The following LRRC28 variants were observed in gnomAD, a reference collection of about 807,000 sequenced individuals.
LRRC28 encodes the protein leucine-rich repeat-containing protein 28.
Under a neutral mutation model 45.7 loss-of-function variants are expected in LRRC28, and 39 were observed. That is an observed-to-expected ratio of 0.85 (90% confidence interval 0.66 to 1.12). The LOEUF is 1.12. Ranked by LOEUF, LRRC28 falls within the 50% of genes most tolerant of loss-of-function variation. The pLI is 0.00. For synonymous variants in LRRC28, 206 were observed against 178.8 expected, an observed-to-expected ratio of 1.15 and a Z score of -1.22; for missense variants, 435 against 438.5, an observed-to-expected ratio of 0.99 and a Z score of 0.07.
chr15:99,349,846 GA>G (rs1316167344), intron 6 of LRRC28, among the ~76,000 whole-genome samples: 1 of 152,214 alleles, frequency 6.6e-6, no homozygotes, highest in Admixed American at 6.5e-5. Context: ...CTCATAAGTA[GA>G]AAAATGCGGC....
At chr15:99,276,168 G>A (rs1230925445) in intron 2 of LRRC28, among the ~76,000 whole-genome samples, 1 of 151,792 alleles carries the variant, frequency 6.6e-6, no homozygotes, top group Non-Finnish European at 1.5e-5. Context: ...CAAGCTCAGG[G>A]TTCCCACTGA....
At chr15:99,284,920 T>TTC in intron 3 of LRRC28, 1 of 597,980 alleles carries the variant, frequency 1.7e-6, no homozygotes, top group South Asian at 1.4e-5. Context: ...CTGCTGAAGT[T>TTC]TCCTCCACGA....
rs115302359 is a variant in LRRC28 at position 99,386,178 on chromosome 15, C to T, written c.*76C>T. 2.7e-4 allele frequency: 314 copies of T among 1,170,392 alleles called. No homozygotes were observed. The African/African-American group carries it at 3.7e-3, about 14-fold the overall frequency. 72.5% of individuals were successfully genotyped at this position (1,170,392 alleles called of 1,614,324 possible). A position where few individuals can be genotyped will look rare whatever the true frequency, so the allele number is the denominator to read the frequency against. On this transcript the variant is annotated 3_prime_UTR_variant, in exon 10 of 10. Transcript: ENST00000301981. ...AGCCAGTCCAGCACACTCTTCCATCCTGTCCTGTCCAATGCGGGGGCACTG... is the reference window on the plus strand; with the variant it reads ...AGCCAGTCCAGCACACTCTTCCATCTTGTCCTGTCCAATGCGGGGGCACTG...
At chr15:99,279,952 GT>G (rs2081736395) in intron 3 of LRRC28, among the ~76,000 whole-genome samples, 1 of 152,054 alleles carries the variant, frequency 6.6e-6, no homozygotes, top group African/African-American at 2.4e-5. Context: ...TTGTTCCAGC[GT>G]CCGCACATCT....
At chr15:99,259,471 C>A in intron 2 of LRRC28, 3 of 1,170,364 alleles carry the variant, frequency 2.6e-6, no homozygotes, top group East Asian at 2.3e-5. Context: ...AGCCTCTGCC[C>A]AATTGGGTGA....
At chr15:99,375,703 G>C (rs1957609186) in intron 9 of LRRC28, among the ~76,000 whole-genome samples, 1 of 152,068 alleles carries the variant, frequency 6.6e-6, no homozygotes, top group Non-Finnish European at 1.5e-5. Flanking sequence ...GTAGTTTGTA[G>C]TTTTCTAGAC....
In LRRC28 at chr15:99,257,604, G is replaced by T. The variant is rs2081061148; in HGVS notation, c.168+1479G>T. 3 of 656,472 alleles carry T rather than the reference G, an allele frequency of 4.6e-6. No individual in the cohort carries two copies. In the Admixed American group the frequency reaches 6.4e-5, roughly 14 times the overall value. The allele number at this position is 656,472 out of a possible 1,614,324, so 40.7% of individuals were successfully genotyped here. A position where few individuals can be genotyped will look rare whatever the true frequency, so the allele number is the denominator to read the frequency against. On this transcript the variant is annotated intron_variant, in intron 2 of 9. Coordinates refer to ENST00000301981, the MANE Select transcript of LRRC28 (RefSeq NM_144598.5). ...GGAGGTGGCTCTTGCGATCGAAAGG[G>T]ACTTGAGACTCACCAGCCACAAGCT...
chr15:99,305,893 T>C (rs2152253672), intron 5 of LRRC28, among the ~76,000 whole-genome samples: 1 of 152,346 alleles, frequency 6.6e-6, no homozygotes, highest in Non-Finnish European at 1.5e-5. Context: ...TAACTTCGCA[T>C]TTCTCCTTCA....
In LRRC28 at chr15:99,300,284, GA is replaced by G. The variant is rs543193263; in HGVS notation, c.385+12336del. 5.9e-5 allele frequency among the ~76,000 whole-genome samples: 9 copies of G among 152,014 alleles called. No homozygotes were observed. The South Asian group carries it at 1.9e-3, about 31-fold the overall frequency. On this transcript the variant is annotated intron_variant, in intron 5 of 9. Coordinates refer to ENST00000301981, the MANE Select transcript of LRRC28 (RefSeq NM_144598.5). ...AAAAGTATTCTGAGAAAAAAATGCT[GA>G]AAGATATATATGGATGTTTATAGTA...
At chr15:99,344,971 T>G (rs913960748) in intron 6 of LRRC28, among the ~76,000 whole-genome samples, 5 of 152,202 alleles carry the variant, frequency 3.3e-5, no homozygotes, top group African/African-American at 4.8e-5. Context: ...TTAACTGGCC[T>G]TCTTCTACTG....
intron 5 of LRRC28, among the ~76,000 whole-genome samples, chr15:99,321,311 A>G (rs186925369): frequency 6.6e-6 from 1 of 152,308 alleles, no homozygotes; most frequent in African/African-American, 2.4e-5. Flanking sequence ...CCTGCTGAAA[A>G]TTTAGTTATG....
intron 5 of LRRC28, among the ~76,000 whole-genome samples, chr15:99,316,686 T>G (rs1955605618): frequency 6.8e-6 from 1 of 147,816 alleles, no homozygotes; most frequent in African/African-American, 2.5e-5. Context: ...CAAAGAGAGA[T>G]TTGAGGTAGG....
rs1957987483 is a variant in LRRC28 at position 99,386,263 on chromosome 15, C to T, written c.*161C>T. 1 of 600,998 alleles carries T rather than the reference C, an allele frequency of 1.7e-6. No individual in the cohort carries two copies. Among genetic ancestry groups the T allele is most frequent in the Admixed American group, 2.5e-5 (1 of 39,368 alleles). The allele number at this position is 600,998 out of a possible 1,614,324, so 37.2% of individuals were successfully genotyped here. A position where few individuals can be genotyped will look rare whatever the true frequency, so the allele number is the denominator to read the frequency against. Reference sequence around the variant, plus strand: ...GAGCTAAAATGCCTTCACCCTTCCCCCAAGTTGGAATATATCCTCCCCCAA... The same window carrying T: ...GAGCTAAAATGCCTTCACCCTTCCCTCAAGTTGGAATATATCCTCCCCCAA... On this transcript the variant is annotated 3_prime_UTR_variant, in exon 10 of 10. Transcript: ENST00000301981.
At chr15:99,257,932 T>G in intron 2 of LRRC28, 1 of 770,796 alleles carries the variant, frequency 1.3e-6, no homozygotes, top group South Asian at 1.4e-5. Context: ...GAGATTTTCC[T>G]TAGAGAACTG....
intron 5 of LRRC28, among the ~76,000 whole-genome samples, chr15:99,295,682 T>A (rs1387174446): frequency 6.6e-6 from 1 of 152,238 alleles, no homozygotes; most frequent in Non-Finnish European, 1.5e-5. Flanking sequence ...CAGCCTATTT[T>A]TAAAAAATAC....
intron 5 of LRRC28, among the ~76,000 whole-genome samples, chr15:99,321,046 GA>G (rs1431870502): frequency 6.6e-6 from 1 of 151,916 alleles, no homozygotes; most frequent in Admixed American, 6.5e-5. Context: ...GTTTAAACAT[GA>G]AAAAAATGTT....
At chr15:99,378,285 A>G (rs1292405840) in intron 9 of LRRC28, among the ~76,000 whole-genome samples, 8 of 152,020 alleles carry the variant, frequency 5.3e-5, no homozygotes, top group East Asian at 3.9e-4. Flanking sequence ...ATTCCTAGGT[A>G]TTTTATTCTC....
chr15:99,281,694 T>C (rs1045271914), intron 3 of LRRC28, among the ~76,000 whole-genome samples: 1 of 152,192 alleles, frequency 6.6e-6, no homozygotes, highest in Non-Finnish European at 1.5e-5. Flanking sequence ...TAAATTTTAT[T>C]GTGTCCCTTT....
Position 99,332,485 on chromosome 15 carries a change from T to C in LRRC28, c.386-1438T>C, listed in dbSNP as rs138577507. On this transcript the variant is annotated intron_variant, in intron 5 of 9. Transcript: ENST00000301981. The stretch of plus-strand genomic sequence containing the variant: ...CTTTTATAAAGTAAAATAATTATTT[T>C]AAATCCTCCTACTAACAAAAAGTCT... 6.6e-5 allele frequency among the ~76,000 whole-genome samples: 10 copies of C among 152,366 alleles called. No individual in the cohort carries two copies. In the East Asian group the frequency reaches 1.9e-3, roughly 29 times the overall value.
Sources: allele counts gnomAD v4.1 joint callset (sites outside exome capture counted in the v4.1 genomes callset), GRCh38; gene constraint gnomAD v4.1.1; transcripts MANE v1.5; gene names NCBI Gene and HGNC (gene_info 2026-07-23, HGNC 2026-07-21).